Variants in CEP89 observed in about 807,000 individuals in gnomAD.
The protein encoded by CEP89 is centrosomal protein 89.
Under a neutral mutation model 97.6 loss-of-function variants are expected in CEP89, and 95 were observed. The observed-to-expected ratio is 0.97, with a 90% CI of 0.82 to 1.15. CEP89 has a LOEUF of 1.15. Ranked by LOEUF, CEP89 falls within the 50% of genes most tolerant of loss-of-function variation. CEP89 has a pLI of 0.00. For missense variants in CEP89, 869 were observed against 947.7 expected, an observed-to-expected ratio of 0.92 and a Z score of 1.09; for synonymous variants, 354 against 349.1, an observed-to-expected ratio of 1.01 and a Z score of -0.16.
chr19:32,921,243 A>C, intron 12 of CEP89, among the ~76,000 whole-genome samples: 1 of 151,932 alleles, frequency 6.6e-6, no homozygotes. Context: ...GAAAGAAAGA[A>C]AGAAAGAAAG....
rs1433942614 is a variant in CEP89 at position 32,886,657 on chromosome 19, T to G, written c.1965+1095A>C. ...GTTTTACTATTCCTGTTCAGATAAATGGTAACGCTATGGATTCCCCAAGCA... is the reference window on the plus strand; with the variant it reads ...GTTTTACTATTCCTGTTCAGATAAAGGGTAACGCTATGGATTCCCCAAGCA... On this transcript the variant is annotated intron_variant, in intron 17 of 18. Coordinates refer to ENST00000305768, the MANE Select transcript of CEP89 (RefSeq NM_032816.5). Among the ~76,000 whole-genome samples the G allele has an allele frequency of 3.3e-5, 5 of 152,220 alleles. No individual in the cohort carries two copies. In the East Asian group the frequency reaches 9.7e-4, roughly 29 times the overall value.
Position 32,951,534 on chromosome 19 carries a change from T to TATAC in CEP89, c.492+2080_492+2081insGTAT, listed in dbSNP as rs1407110112. The stretch of plus-strand genomic sequence containing the variant: ...AATTATATATATATATATATATATA[T>TATAC]ACACACACACACACACACACACACA... On this transcript the variant is annotated intron_variant, in intron 4 of 18. Transcript: ENST00000305768. 1.5e-3 allele frequency among the ~76,000 whole-genome samples: 185 copies of TATAC among 122,030 alleles called. 2 individuals are homozygous for TATAC. The highest frequency in any genetic ancestry group is 4.7e-3 in the African/African-American group (137 of 29,272). 80.1% of individuals were successfully genotyped at this position (122,030 alleles called of 152,430 possible).
At chr19:32,893,943 T>C (rs551422077) in intron 16 of CEP89, among the ~76,000 whole-genome samples, 2 of 152,090 alleles carry the variant, frequency 1.3e-5, no homozygotes, top group South Asian at 4.2e-4. Context: ...AGTGGAAAGA[T>C]TTCAAATAAA....
chr19:32,895,937 G>A (rs1376940267), intron 16 of CEP89, among the ~76,000 whole-genome samples: 2 of 152,080 alleles, frequency 1.3e-5, no homozygotes. Flanking sequence ...TACAAGGAAA[G>A]CTACAAACAC....
intron 18 of CEP89, 26 bp downstream of exon 18, chr19:32,881,818 G>T (rs1451757695): frequency 6.3e-7 from 1 of 1,578,210 alleles, no homozygotes; most frequent in Admixed American, 1.7e-5. Context: ...ATCTCTGCGG[G>T]CCATGGCGCA....
At chr19:32,931,710 G>A in intron 8 of CEP89, 139 bp from the exon 9 acceptor site, 1 of 600,956 alleles carries the variant, frequency 1.7e-6, no homozygotes, top group South Asian at 2.5e-5. Flanking sequence ...GTGTCTGTGT[G>A]TGTATGTGTG....
chr19:32,929,489 C>A (rs1055147197), intron 9 of CEP89, among the ~76,000 whole-genome samples: 1 of 152,030 alleles, frequency 6.6e-6, no homozygotes, highest in African/African-American at 2.4e-5. Flanking sequence ...GGAATCCCAG[C>A]CACTCAGGAG....
At chr19:32,916,475 A>G (rs1373880506) in intron 13 of CEP89, among the ~76,000 whole-genome samples, 1 of 152,186 alleles carries the variant, frequency 6.6e-6, no homozygotes, top group Non-Finnish European at 1.5e-5. Flanking sequence ...TTGTCCCTAA[A>G]GCTGCAAAAT....
intron 14 of CEP89, among the ~76,000 whole-genome samples, chr19:32,910,580 T>A (rs893388747): frequency 6.6e-6 from 1 of 152,210 alleles, no homozygotes; most frequent in African/African-American, 2.4e-5. Context: ...ATTTTTTAAC[T>A]TTTTGACTTT....
chr19:32,964,244 C>T (rs1971235279), intron 2 of CEP89, among the ~76,000 whole-genome samples: 1 of 151,820 alleles, frequency 6.6e-6, no homozygotes, highest in African/African-American at 2.4e-5. Context: ...GCGATCTGGG[C>T]TCACTGCAAC....
chr19:32,942,417 G>A (rs1970706042), intron 5 of CEP89, among the ~76,000 whole-genome samples: 2 of 152,184 alleles, frequency 1.3e-5, no homozygotes, highest in African/African-American at 2.4e-5. Context: ...ATAGAAGTGG[G>A]GAGATGCATA....
In CEP89 at chr19:32,933,440, T is replaced by C. The variant is rs375780953; in HGVS notation, c.886+11A>G. 2.5e-6 allele frequency: 4 copies of C among 1,601,932 alleles called. No individual in the cohort carries two copies. In the African/African-American group the frequency reaches 4.0e-5, roughly 16 times the overall value. ...TCATTCCTCTAATAAAGGCACTCTG[T>C]CTGTCCCCACCTTCCTGTGACGACG... On this transcript the variant is annotated intron_variant, in intron 8 of 18. Coordinates refer to ENST00000305768, the MANE Select transcript of CEP89 (RefSeq NM_032816.5).
At chr19:32,923,863 C>G (rs1177178603) in intron 11 of CEP89, among the ~76,000 whole-genome samples, 2 of 152,154 alleles carry the variant, frequency 1.3e-5, no homozygotes, top group Non-Finnish European at 2.9e-5. Context: ...AGATGCCCAT[C>G]AACGCTGACA....
intron 2 of CEP89, among the ~76,000 whole-genome samples, chr19:32,960,876 G>A (rs1359352705): frequency 1.3e-5 from 2 of 152,218 alleles, no homozygotes; most frequent in East Asian, 3.9e-4. Flanking sequence ...AAAATTTCCA[G>A]GTCACAGCAC....
chr19:32,881,696 G>C, intron 18 of CEP89, 148 bp downstream of exon 18: 2 of 706,472 alleles, frequency 2.8e-6, no homozygotes, highest in Non-Finnish European at 4.4e-6. Context: ...AATAAAACTT[G>C]AGACCAATAT....
chr19:32,888,978 T>C (rs755900554), intron 16 of CEP89, among the ~76,000 whole-genome samples: 33 of 151,928 alleles, frequency 2.2e-4, no homozygotes, highest in Middle Eastern at 3.2e-3. Flanking sequence ...CCCAGCTAAT[T>C]TGGGGAAACC....
Position 32,931,545 on chromosome 19 carries a change from G to A in CEP89, c.913C>T (p.Arg305Ter), listed in dbSNP as rs527592555. The A allele has an allele frequency of 4.6e-5, 73 of 1,578,734 alleles. No individual in the cohort carries two copies. The highest frequency in any genetic ancestry group is 6.1e-5 in the Admixed American group (3 of 49,022). ...TCCACCAGTTCTTGAGCTTGTTTTC[G>A]CAGATAAAGTAATTCAGGTGCAGCA... ...EVAAPELLYL[R>*]KQAQELVDEN... is the part of the protein sequence containing the mutation. Residue 305 changes from arginine (R) to a stop codon, truncating the protein, a stop_gained, in exon 9 of 19, where the codon CGA (arginine) becomes TGA (stop). Transcript: ENST00000305768. LOFTEE classifies it high-confidence loss of function.
At chr19:32,924,002 CTCT>C (rs1325419457) in intron 11 of CEP89, among the ~76,000 whole-genome samples, 3 of 147,480 alleles carry the variant, frequency 2.0e-5, no homozygotes, top group South Asian at 2.2e-4. Flanking sequence ...TTGGAGGAAG[CTCT>C]TTTTTTTTTT....
chr19:32,931,444 A>G lies in CEP89; in HGVS notation c.1014T>C (p.His338=). The change falls in exon 9 of 19, where the codon CAT becomes CAC. Residue 338 remains histidine (H), a synonymous_variant. Coordinates refer to ENST00000305768, the MANE Select transcript of CEP89 (RefSeq NM_032816.5). The part of the protein sequence containing the change: ...ELSRYQTKFR[H]LSKEESLNIE... The stretch of plus-strand genomic sequence containing the variant: ...GAAACGTTACCTCTTCCTTGGACAA[A>G]TGCCTGAATTTTGTCTGATATCGAC... The G allele has an allele frequency of 6.3e-7, 1 of 1,581,942 alleles. No homozygotes were observed. The highest frequency in any genetic ancestry group is 8.5e-7 in the Non-Finnish European group (1 of 1,171,334).
Sources: gnomAD v4.1 joint callset for allele counts (sites outside exome capture counted in the v4.1 genomes callset) on GRCh38, gnomAD v4.1.1 for gene constraint, MANE v1.5 for transcripts, NCBI Gene and HGNC (gene_info 2026-07-23, HGNC 2026-07-21) for gene names.